C5orf46: variants seen among roughly 807,000 people sequenced by gnomAD.
C5orf46 encodes the protein chromosome 5 open reading frame 46, also known as uncharacterized protein C5orf46.
In C5orf46, 9 loss-of-function variants were observed where a neutral mutation model predicts 8.9. The ratio of observed to expected loss-of-function variants is 1.01; its 90% CI spans 0.61 to 1.76. The LOEUF (loss-of-function observed/expected upper bound fraction) is 1.76. Among genes scored for constraint, C5orf46 ranks in the 40% most tolerant of loss-of-function variants. The pLI, the probability that C5orf46 is intolerant of heterozygous loss-of-function variation, is 0.00. For synonymous variants in C5orf46, 47 were observed against 41.4 expected (o/e 1.14, Z -0.52); for missense variants, 98 against 107.8 (o/e 0.91, Z 0.40).
At chr5:147,893,907 A>AT (rs112629955) in intron 3 of C5orf46, among the ~76,000 whole-genome samples, 10,629 of 142,758 alleles carry the variant, frequency 0.074, 877 homozygotes, top group African/African-American at 0.21. Flanking sequence ...GGGAAGGCAT[A>AT]TTTTTTTTTT....
intron 2 of C5orf46, among the ~76,000 whole-genome samples, chr5:147,898,960 G>A (rs72827190): frequency 0.011 from 1,606 of 152,154 alleles, 11 homozygotes; most frequent in Middle Eastern, 0.037. Flanking sequence ...CACCACTTAG[G>A]CATCAGACAT....
chr5:147,897,088 G>C (rs1480850590), intron 2 of C5orf46, 47 bp from the exon 3 acceptor site: 5 of 943,404 alleles, frequency 5.3e-6, no homozygotes, highest in Non-Finnish European at 8.3e-6. Context: ...GACTGAACAG[G>C]AGTGTTAGAA....
At chr5:147,897,597 T>C (rs2127128040) in intron 2 of C5orf46, among the ~76,000 whole-genome samples, 1 of 152,324 alleles carries the variant, frequency 6.6e-6, no homozygotes, top group Non-Finnish European at 1.5e-5. Flanking sequence ...ATATGGTTTG[T>C]GAATTGCAGT....
downstream of C5orf46, among the ~76,000 whole-genome samples, chr5:147,891,269 C>A (rs138713174): frequency 9.9e-5 from 15 of 152,124 alleles, no homozygotes; most frequent in East Asian, 2.9e-3. Context: ...GGGAAAGAGT[C>A]CCAAAAGAAA....
chr5:147,892,264 C>A (rs557085298), downstream of C5orf46, among the ~76,000 whole-genome samples: 1 of 152,098 alleles, frequency 6.6e-6, no homozygotes, highest in Non-Finnish European at 1.5e-5. Flanking sequence ...GGTGGTGGCA[C>A]GAAAGGCCTG....
chr5:147,897,071 C>A, intron 2 of C5orf46, 30 bp from the exon 3 acceptor site: 1 of 1,116,994 alleles, frequency 9.0e-7, no homozygotes, highest in Non-Finnish European at 1.3e-6. Context: ...ATAAGAATTA[C>A]AATTGAGACT....
chr5:147,895,484 T>C (rs1435029781), intron 3 of C5orf46, among the ~76,000 whole-genome samples: 1 of 152,198 alleles, frequency 6.6e-6, no homozygotes, highest in Non-Finnish European at 1.5e-5. Context: ...AGGAGAAAAG[T>C]GGGGCTCAGG....
At chr5:147,901,561 A>T (rs1017365200) in intron 2 of C5orf46, 68 bp downstream of exon 2, 2 of 1,434,156 alleles carry the variant, frequency 1.4e-6, no homozygotes, top group Non-Finnish European at 1.9e-6. Context: ...TTTTAATGCC[A>T]TGAGGTCATT....
At chr5:147,906,205 TA>T (rs1322401997) in intron 1 of C5orf46, among the ~76,000 whole-genome samples, 1 of 152,268 alleles carries the variant, frequency 6.6e-6, no homozygotes, top group East Asian at 1.9e-4. Flanking sequence ...TAAGAGCACA[TA>T]AAAAAATTTC....
intron 1 of C5orf46, among the ~76,000 whole-genome samples, chr5:147,904,603 A>G (rs1757721220): frequency 6.6e-6 from 1 of 152,122 alleles, no homozygotes; most frequent in African/African-American, 2.4e-5. Flanking sequence ...GAAGCCTGGG[A>G]TTGGAGTGGG....
At chr5:147,893,703 C>A (rs531979167) in intron 3 of C5orf46, among the ~76,000 whole-genome samples, 1 of 152,090 alleles carries the variant, frequency 6.6e-6, no homozygotes, top group East Asian at 1.9e-4. Flanking sequence ...CCACCATGCC[C>A]GGCTAATTTT....
intron 1 of C5orf46, among the ~76,000 whole-genome samples, chr5:147,904,002 C>G (rs1757711979): frequency 6.6e-6 from 1 of 152,118 alleles, no homozygotes; most frequent in Admixed American, 6.6e-5. Flanking sequence ...CCCACGTCGG[C>G]CTCCTGAAGT....
downstream of C5orf46, among the ~76,000 whole-genome samples, chr5:147,890,670 C>G (rs1757489558): frequency 6.6e-6 from 1 of 151,898 alleles, no homozygotes. Context: ...ATGTGGCCAC[C>G]TCGCGAAAGA....
chr5:147,905,390 G>A (rs1757735408), intron 1 of C5orf46, among the ~76,000 whole-genome samples: 1 of 152,158 alleles, frequency 6.6e-6, no homozygotes, highest in African/African-American at 2.4e-5. Flanking sequence ...TAAGAGACAG[G>A]GTGGTGCCTG....
intron 1 of C5orf46, among the ~76,000 whole-genome samples, chr5:147,904,647 C>A (rs1475567662): frequency 6.6e-6 from 1 of 151,960 alleles, no homozygotes; most frequent in Admixed American, 6.6e-5. Flanking sequence ...GCTTGTGAAC[C>A]CCATATATAT....
At chr5:147,905,845 A>G (rs1045590296) in intron 1 of C5orf46, among the ~76,000 whole-genome samples, 2 of 152,246 alleles carry the variant, frequency 1.3e-5, no homozygotes, top group Non-Finnish European at 2.9e-5. Context: ...ACATGTTTAC[A>G]TCATTGGATT....
At chr5:147,894,955 C>T (rs574169184) in intron 3 of C5orf46, among the ~76,000 whole-genome samples, 3 of 151,198 alleles carry the variant, frequency 2.0e-5, no homozygotes, top group East Asian at 2.0e-4. Flanking sequence ...CCCAGCTACT[C>T]GGGAGGCTGA....
intron 3 of C5orf46, among the ~76,000 whole-genome samples, chr5:147,895,978 T>G (rs1757573989): frequency 6.6e-6 from 1 of 152,130 alleles, no homozygotes; most frequent in Non-Finnish European, 1.5e-5. Context: ...ATGGAGCCAA[T>G]GGGGAAAAGG....
At chr5:147,901,979 G>T (rs1757679049) in intron 1 of C5orf46, among the ~76,000 whole-genome samples, 1 of 152,114 alleles carries the variant, frequency 6.6e-6, no homozygotes, top group Admixed American at 6.5e-5. Flanking sequence ...CAAATAGACC[G>T]ACTGATATTG....
Sources: allele counts gnomAD v4.1 joint callset (sites outside exome capture counted in the v4.1 genomes callset), GRCh38; gene constraint gnomAD v4.1.1; transcripts MANE v1.5; gene names NCBI Gene and HGNC (gene_info 2026-07-23, HGNC 2026-07-21).